MYO5B: variants seen among roughly 807,000 people sequenced by gnomAD.
MYO5B encodes myosin VB, also known as unconventional myosin-Vb.
Under a neutral mutation model 229.3 loss-of-function variants are expected in MYO5B, and 143 were observed. The ratio of observed to expected loss-of-function variants is 0.62; its 90% CI spans 0.54 to 0.72. The LOEUF (loss-of-function observed/expected upper bound fraction) is 0.72, where lower values mean the gene tolerates loss of function less well. MYO5B is among the 30% of genes least tolerant of loss of function. The probability of loss-of-function intolerance (pLI) is 0.00; values close to 1 mark genes in which losing one functional copy is unlikely to be tolerated. For missense variants in MYO5B, 2,321 were observed against 2,331.0 expected (o/e 1.00, Z 0.09); for synonymous variants, 918 against 885.2 (o/e 1.04, Z -0.66).
chr18:50,160,982 C>G (rs2032756908), intron 1 of MYO5B, among the ~76,000 whole-genome samples: 1 of 152,206 alleles, frequency 6.6e-6, no homozygotes, highest in Non-Finnish European at 1.5e-5. Context: ...CCGCCCTGTC[C>G]TGGGCTCTCA....
chr18:50,064,000 C>G (rs1476778593), intron 1 of MYO5B: 1 of 152,334 alleles, frequency 6.6e-6, no homozygotes, highest in African/African-American at 2.4e-5. Flanking sequence ...TTTTATCCAA[C>G]TGGTTTATAC....
chr18:49,912,115 C>G lies in MYO5B; in HGVS notation c.2149G>C (p.Ala717Pro), dbSNP rs373248607. 6.2e-7 allele frequency: 1 copy of G among 1,613,928 alleles called. No homozygotes were observed. The highest frequency in any genetic ancestry group is 8.5e-7 in the Non-Finnish European group (1 of 1,180,010). The change falls in exon 18 of 40, where the codon GCC becomes CCC. Residue 717 changes from alanine to proline, a missense_variant. This residue lies in a region of MYO5B where 2,113 missense variants were observed against 2,044.7 expected (regional missense o/e 1.03). Coordinates refer to ENST00000285039, the MANE Select transcript of MYO5B (RefSeq NM_001080467.3). ...CAGATGGCCTTTTTGTCTGTGTTGG[C>G]GAGCTCTCTCTTCTTGACCAGCACC... ...YRVLVKKREL[A>P]NTDKKAICRS...
At chr18:49,948,396 A>G (rs1407534991) in intron 14 of MYO5B, among the ~76,000 whole-genome samples, 2 of 135,604 alleles carry the variant, frequency 1.5e-5, no homozygotes, top group Admixed American at 1.5e-4. Context: ...GAAAAGTCTC[A>G]GTACTTCATT....
rs1478866667 is a variant in MYO5B, at chr18:49,929,616, A to G, written c.2004-18T>C. On this transcript the variant is annotated intron_variant, in intron 16 of 39. Transcript: ENST00000285039. ...GGTCAAAGCTGCCAAAGGAGAAAAA[A>G]AAAAAAAAAAGCAAGACAAGAGATG... is the stretch of plus-strand genomic sequence containing the variant. 6.3e-7 allele frequency: 1 copy of G among 1,582,322 alleles called. No homozygotes were observed.
chr18:50,023,213 C>A (rs1050761360), intron 4 of MYO5B, among the ~76,000 whole-genome samples: 8 of 151,650 alleles, frequency 5.3e-5, no homozygotes. Context: ...AAGAACATTG[C>A]GTCATCAGCC....
chr18:49,874,103 A>G (rs11663034), intron 26 of MYO5B, among the ~76,000 whole-genome samples: 36,575 of 152,070 alleles, frequency 0.24, 4,541 homozygotes, highest in East Asian at 0.42. Flanking sequence ...CCCAACCCAC[A>G]CCTGCCTTTC....
chr18:49,850,191 C>A (rs2024182754), intron 31 of MYO5B: 9 of 192,652 alleles, frequency 4.7e-5, no homozygotes, highest in Middle Eastern at 2.2e-3. Flanking sequence ...CCTAGAACAG[C>A]AAGCCGCTGA....
At position 50,108,984 on chromosome 18, in the gene MYO5B, C is replaced by T. The variant is rs184445952; in HGVS notation, c.28-53606G>A. Among the ~76,000 whole-genome samples the T allele has an allele frequency of 1.2e-3, 180 of 152,212 alleles. 2 individuals are homozygous for T. The highest frequency in any genetic ancestry group is 2.0e-3 in the Non-Finnish European group (138 of 68,010). ...AAAACTGTCTTCTCTGAACCAGGCT[C>T]CAAGAAGAATAAAGTCACTGGGGTG... On this transcript the variant is annotated intron_variant, in intron 1 of 39. Transcript: ENST00000285039.
chr18:50,070,099 G>A (rs954807785), intron 1 of MYO5B, among the ~76,000 whole-genome samples: 1 of 142,946 alleles, frequency 7.0e-6, no homozygotes. Flanking sequence ...TCGGTTCACT[G>A]CAACCTCTGC....
At chr18:50,118,368 T>G (rs17716496) in intron 1 of MYO5B, among the ~76,000 whole-genome samples, 19,399 of 152,248 alleles carry the variant, frequency 0.13, 1,399 homozygotes, top group East Asian at 0.25. Context: ...TCACAGCCTT[T>G]AGTAACTTAA....
At chr18:50,147,022 AC>A (rs2144296124) in intron 1 of MYO5B, among the ~76,000 whole-genome samples, 1 of 152,208 alleles carries the variant, frequency 6.6e-6, no homozygotes, top group African/African-American at 2.4e-5. Flanking sequence ...ACAGGGTTCT[AC>A]CAGTGGTCAC....
intron 35 of MYO5B, chr18:49,840,574 G>A (rs1049966702): frequency 2.0e-5 from 3 of 152,302 alleles, no homozygotes; most frequent in Admixed American, 1.3e-4. Flanking sequence ...AAGGGTGGAT[G>A]GTGAGATATG....
At chr18:49,925,468 G>A (rs923073291) in intron 17 of MYO5B, among the ~76,000 whole-genome samples, 10 of 152,208 alleles carry the variant, frequency 6.6e-5, no homozygotes, top group African/African-American at 1.7e-4. Flanking sequence ...TGAGGGCTGC[G>A]TCATGGGCCA....
intron 22 of MYO5B, among the ~76,000 whole-genome samples, chr18:49,891,730 C>T (rs2024717226): frequency 6.6e-6 from 1 of 152,220 alleles, no homozygotes; most frequent in Non-Finnish European, 1.5e-5. Flanking sequence ...ACACACTCTG[C>T]TATGAGAGCC....
intron 1 of MYO5B, among the ~76,000 whole-genome samples, chr18:50,192,903 C>A (rs975275818): frequency 2.0e-5 from 3 of 152,180 alleles, no homozygotes; most frequent in African/African-American, 7.2e-5. Flanking sequence ...TATTTTTAAT[C>A]TTTTAACTCC....
At chr18:50,145,497 C>CAAAAAAAAAAAAAAAAAAAAAA (rs369507800) in intron 1 of MYO5B, among the ~76,000 whole-genome samples, 2 of 70,010 alleles carry the variant, frequency 2.9e-5, no homozygotes, top group African/African-American at 1.2e-4. Context: ...GACTCCATCT[C>CAAAAAAAAAAAAAAAAAAAAAA]AAAAAAAAAA....
intron 2 of MYO5B, among the ~76,000 whole-genome samples, chr18:50,052,179 T>A (rs568987852): frequency 8.5e-4 from 130 of 152,250 alleles, no homozygotes; most frequent in African/African-American, 3.0e-3. Flanking sequence ...TAGAAATACC[T>A]TTTGACCCAG....
At chr18:49,866,129 C>T (rs550333106) in intron 27 of MYO5B, among the ~76,000 whole-genome samples, 14 of 152,306 alleles carry the variant, frequency 9.2e-5, no homozygotes, top group South Asian at 2.1e-4. Context: ...AGTGCATTGG[C>T]GTGATCTCGG....
At chr18:50,039,462 G>T (rs2029938305) in intron 3 of MYO5B, among the ~76,000 whole-genome samples, 2 of 152,030 alleles carry the variant, frequency 1.3e-5, no homozygotes, top group African/African-American at 4.8e-5. Context: ...CTCCCGAGTA[G>T]CTGGGACTAC....
Sources: allele counts gnomAD v4.1 joint callset (sites outside exome capture counted in the v4.1 genomes callset), GRCh38; gene constraint gnomAD v4.1.1; regional missense constraint gnomAD v4.1.1; transcripts MANE v1.5; gene names NCBI Gene and HGNC (gene_info 2026-07-23, HGNC 2026-07-21).